MGAT4A: variants seen among roughly 807,000 people sequenced by gnomAD.
MGAT4A encodes the protein N-acetylglucosaminyltransferase IVa.
In MGAT4A, 33 loss-of-function variants were observed where a neutral mutation model predicts 74.1. That is an observed-to-expected ratio of 0.45 (90% CI 0.34 to 0.60). The LOEUF (loss-of-function observed/expected upper bound fraction) is 0.60. Among genes scored for constraint, MGAT4A ranks in the 20% least tolerant of loss-of-function variants. The pLI is 0.02. For missense variants in MGAT4A, 479 were observed against 628.3 expected (o/e 0.76, Z 2.54); for synonymous variants, 198 against 210.4 (o/e 0.94, Z 0.51).
intron 4 of MGAT4A, among the ~76,000 whole-genome samples, chr2:98,663,772 T>G (rs1420869819): frequency 6.6e-6 from 1 of 152,190 alleles, no homozygotes; most frequent in African/African-American, 2.4e-5. Context: ...ATTTGGATCC[T>G]GAAAGAGAAA....
rs192613824 is a variant in MGAT4A at position 98,657,525 on chromosome 2, A to G, written c.584+693T>C. On this transcript the variant is annotated intron_variant, in intron 6 of 15. Transcript: ENST00000393487. ...GAACTATAATGTTTTTAAATATTCA[A>G]TTTTAACATTTTGATAGACAAGGAG... Among the ~76,000 whole-genome samples, 5 of 152,324 alleles carry G rather than the reference A, an allele frequency of 3.3e-5. No individual in the cohort carries two copies. The East Asian group carries it at 9.6e-4, about 29-fold the overall frequency.
intron 14 of MGAT4A, among the ~76,000 whole-genome samples, chr2:98,627,431 G>A (rs74670130): frequency 0.036 from 5,513 of 152,022 alleles, 270 homozygotes; most frequent in East Asian, 0.21. Flanking sequence ...GCTGGAGTGC[G>A]ATGGCACGAT....
At chr2:98,703,664 T>C (rs1702382311) in intron 2 of MGAT4A, among the ~76,000 whole-genome samples, 1 of 152,040 alleles carries the variant, frequency 6.6e-6, no homozygotes, top group African/African-American at 2.4e-5. Context: ...ATATCCAGTG[T>C]GACCTGGCCC....
chr2:98,619,767 C>T lies in MGAT4A; in HGVS notation c.*5799G>A, dbSNP rs1301827773. On this transcript the variant is annotated 3_prime_UTR_variant, in exon 16 of 16. Coordinates refer to ENST00000393487, the MANE Select transcript of MGAT4A (RefSeq NM_012214.3). The stretch of plus-strand genomic sequence containing the variant: ...AAGTACCAAACCCTTGGTTCCAGGA[C>T]AGTTTGCTAATTACTAATACAATGA... The T allele has an allele frequency of 6.6e-6, 1 of 152,194 alleles. No individual in the cohort carries two copies. The highest frequency in any genetic ancestry group is 1.5e-5 in the Non-Finnish European group (1 of 68,034). 9.4% of individuals were successfully genotyped at this position (152,194 alleles called of 1,614,324 possible).
intron 2 of MGAT4A, among the ~76,000 whole-genome samples, chr2:98,697,784 CACA>C (rs1370773087): frequency 1.3e-5 from 2 of 152,090 alleles, no homozygotes; most frequent in African/African-American, 4.8e-5. Context: ...AGGACTTCAC[CACA>C]ACGTTTGTCA....
intron 8 of MGAT4A, among the ~76,000 whole-genome samples, chr2:98,652,611 G>A (rs974305980): frequency 1.3e-5 from 2 of 151,984 alleles, no homozygotes; most frequent in Admixed American, 1.3e-4. Flanking sequence ...GATTACAGGC[G>A]TGGGCCACCG....
At chr2:98,665,530 C>T (rs535789714) in intron 4 of MGAT4A, among the ~76,000 whole-genome samples, 12 of 152,126 alleles carry the variant, frequency 7.9e-5, no homozygotes, top group Non-Finnish European at 1.5e-4. Flanking sequence ...CTCTATGAGA[C>T]TCCGTCCCCC....
chr2:98,693,129 A>T (rs1214353503), intron 2 of MGAT4A, among the ~76,000 whole-genome samples: 1 of 152,216 alleles, frequency 6.6e-6, no homozygotes, highest in African/African-American at 2.4e-5. Flanking sequence ...GAAACCATGG[A>T]GATCAGAAGG....
At chr2:98,648,484 G>A (rs1701527420) in intron 8 of MGAT4A, among the ~76,000 whole-genome samples, 1 of 151,784 alleles carries the variant, frequency 6.6e-6, no homozygotes, top group South Asian at 2.1e-4. Flanking sequence ...TGGGCTAGAG[G>A]GAGACTATGT....
intron 10 of MGAT4A, among the ~76,000 whole-genome samples, chr2:98,642,988 A>C (rs1447180197): frequency 1.3e-5 from 2 of 152,238 alleles, no homozygotes; most frequent in Non-Finnish European, 2.9e-5. Context: ...CTTATTTGTT[A>C]CAATGAATGG....
intron 8 of MGAT4A, among the ~76,000 whole-genome samples, chr2:98,650,721 C>G (rs1458220058): frequency 6.6e-6 from 1 of 152,146 alleles, no homozygotes; most frequent in Non-Finnish European, 1.5e-5. Context: ...GAGACCGAGG[C>G]AGGTGGATCA....
chr2:98,684,401 A>G (rs1702101132), intron 2 of MGAT4A, among the ~76,000 whole-genome samples: 1 of 152,188 alleles, frequency 6.6e-6, no homozygotes, highest in African/African-American at 2.4e-5. Flanking sequence ...ACAAAATCTA[A>G]CTTTTTTAAT....
At chr2:98,716,009 T>A (rs1358686838) in intron 2 of MGAT4A, among the ~76,000 whole-genome samples, 1 of 152,120 alleles carries the variant, frequency 6.6e-6, no homozygotes, top group African/African-American at 2.4e-5. Context: ...ACACACCTCC[T>A]GATATAATGT....
chr2:98,644,118 A>G (rs1179941354), intron 9 of MGAT4A, 65 bp from the exon 10 acceptor site: 10 of 1,442,584 alleles, frequency 6.9e-6, no homozygotes, highest in Middle Eastern at 1.9e-4. Flanking sequence ...GCTTACATTC[A>G]TGAAATCTTG....
intron 8 of MGAT4A, among the ~76,000 whole-genome samples, chr2:98,653,267 A>G (rs1701608162): frequency 6.6e-6 from 1 of 151,550 alleles, no homozygotes; most frequent in South Asian, 2.1e-4. Context: ...ATTGAAAAAA[A>G]GAAACAAACT....
At chr2:98,688,009 A>G (rs538184096) in intron 2 of MGAT4A, among the ~76,000 whole-genome samples, 4 of 151,946 alleles carry the variant, frequency 2.6e-5, no homozygotes, top group Non-Finnish European at 5.9e-5. Context: ...CCCTTGTCTG[A>G]CTCTTCCAAT....
chr2:98,629,678 C>A (rs1701199034), intron 14 of MGAT4A, among the ~76,000 whole-genome samples: 2 of 152,180 alleles, frequency 1.3e-5, no homozygotes, highest in Admixed American at 6.5e-5. Flanking sequence ...CACTAGGAGC[C>A]TGGCCAAATA....
intron 2 of MGAT4A, among the ~76,000 whole-genome samples, chr2:98,699,018 G>C (rs1702314368): frequency 1.3e-5 from 2 of 152,136 alleles, no homozygotes; most frequent in South Asian, 4.1e-4. Context: ...CTATCCCCAG[G>C]TTCAGTGATT....
chr2:98,644,815 G>T (rs554266390), intron 9 of MGAT4A, among the ~76,000 whole-genome samples: 1 of 152,052 alleles, frequency 6.6e-6, no homozygotes, highest in African/African-American at 2.4e-5. Flanking sequence ...TGTATTTTTA[G>T]TAGAGACAGG....
Sources: gnomAD v4.1 joint callset for allele counts (sites outside exome capture counted in the v4.1 genomes callset) on GRCh38, gnomAD v4.1.1 for gene constraint, MANE v1.5 for transcripts, NCBI Gene and HGNC (gene_info 2026-07-23, HGNC 2026-07-21) for gene names.